KCTD16: variants seen among roughly 807,000 people sequenced by gnomAD.
The protein encoded by KCTD16 is BTB/POZ domain-containing protein KCTD16.
A neutral mutation model predicts 33.2 loss-of-function variants in KCTD16; 13 were observed. The observed-to-expected ratio is 0.39, with a 90% confidence interval of 0.25 to 0.62. The LOEUF (loss-of-function observed/expected upper bound fraction) is 0.62. KCTD16 is among the 20% of genes least tolerant of loss of function. The pLI is 0.50. For missense variants in KCTD16, 441 were observed against 525.1 expected, an observed-to-expected ratio of 0.84 and a Z score of 1.57; for synonymous variants, 197 against 195.3, an observed-to-expected ratio of 1.01 and a Z score of -0.07.
rs867996978 is a variant in KCTD16, at chr5:144,459,863, G to T, written c.833-13797G>T. Among the ~76,000 whole-genome samples, 21 of 96,914 alleles carry T rather than the reference G, an allele frequency of 2.2e-4. No individual in the cohort carries two copies. The South Asian group carries it at 6.4e-3, about 29-fold the overall frequency. 63.6% of individuals were successfully genotyped at this position (96,914 alleles called of 152,430 possible). Reference sequence around the variant, plus strand: ...TTTTTTTTTTTTGAGATGGAGTCTTGCTCTGTTGCCCAGGCTGGAGTGCAG... The same window carrying T: ...TTTTTTTTTTTTGAGATGGAGTCTTTCTCTGTTGCCCAGGCTGGAGTGCAG... On this transcript the variant is annotated intron_variant, in intron 3 of 3. Coordinates refer to ENST00000512467, the MANE Select transcript of KCTD16 (RefSeq NM_020768.4).
chr5:144,330,311 A>G (rs1473595044), intron 3 of KCTD16, among the ~76,000 whole-genome samples: 2 of 148,494 alleles, frequency 1.3e-5, no homozygotes, highest in Admixed American at 6.8e-5. Context: ...TACTGGGGAG[A>G]GTGATACAGG....
At position 144,360,845 on chromosome 5, in the gene KCTD16, A is replaced by T. The variant is rs180915220; in HGVS notation, c.833-112815A>T. ...GTTCCAACTCTTTGCTATTGTGAAC[A>T]TGGCTGCAATAAACACATGTGTACC... On this transcript the variant is annotated intron_variant, in intron 3 of 3. Transcript: ENST00000512467. Among the ~76,000 whole-genome samples, 22 of 152,016 alleles carry T rather than the reference A, an allele frequency of 1.4e-4. No homozygotes were observed. In the East Asian group the frequency reaches 4.2e-3, roughly 29 times the overall value.
At chr5:144,288,830 G>T (rs779986268) in intron 3 of KCTD16, among the ~76,000 whole-genome samples, 2 of 152,030 alleles carry the variant, frequency 1.3e-5, no homozygotes, top group Non-Finnish European at 2.9e-5. Flanking sequence ...AGTTAGCTGT[G>T]GTGCATGCCT....
intron 3 of KCTD16, among the ~76,000 whole-genome samples, chr5:144,421,899 G>GTACAAAAAA: frequency 6.6e-6 from 1 of 152,026 alleles, no homozygotes; most frequent in East Asian, 1.9e-4. Context: ...TATAGAATTT[G>GTACAAAAAA]GGTCATCTTA....
chr5:144,292,374 G>A (rs1425979399), intron 3 of KCTD16, among the ~76,000 whole-genome samples: 1 of 152,198 alleles, frequency 6.6e-6, no homozygotes, highest in East Asian at 1.9e-4. Flanking sequence ...GTTCTGTATA[G>A]GGTGGGGTGA....
chr5:144,254,197 G>A (rs1224303585), intron 3 of KCTD16, among the ~76,000 whole-genome samples: 4 of 151,926 alleles, frequency 2.6e-5, no homozygotes, highest in Admixed American at 2.0e-4. Context: ...TCGTGCAGTG[G>A]CGCGATCTCC....
intron 3 of KCTD16, among the ~76,000 whole-genome samples, chr5:144,338,865 A>G (rs994833885): frequency 2.0e-5 from 3 of 152,166 alleles, no homozygotes; most frequent in Non-Finnish European, 4.4e-5. Context: ...GATTCTCCTC[A>G]CTTTTATGAG....
chr5:144,418,089 A>C (rs1753116715), intron 3 of KCTD16, among the ~76,000 whole-genome samples: 1 of 151,986 alleles, frequency 6.6e-6, no homozygotes, highest in Non-Finnish European at 1.5e-5. Context: ...TGGTGTCTGG[A>C]GTTGTTCGTT....
At chr5:144,277,853 A>G (rs185453045) in intron 3 of KCTD16, among the ~76,000 whole-genome samples, 164 of 152,276 alleles carry the variant, frequency 1.1e-3, no homozygotes, top group African/African-American at 3.8e-3. Context: ...AAAAACTTTT[A>G]TCTAGTTTTA....
At chr5:144,282,859 A>G (rs1429819270) in intron 3 of KCTD16, among the ~76,000 whole-genome samples, 1 of 152,156 alleles carries the variant, frequency 6.6e-6, no homozygotes, top group African/African-American at 2.4e-5. Flanking sequence ...ATAGAGAACT[A>G]TATCCCCTCA....
At chr5:144,198,741 G>C (rs1454523999) in intron 2 of KCTD16, among the ~76,000 whole-genome samples, 1 of 152,102 alleles carries the variant, frequency 6.6e-6, no homozygotes, top group African/African-American at 2.4e-5. Flanking sequence ...TTCCAAGTTA[G>C]AAGCCCTGTT....
At chr5:144,465,042 AG>A (rs1162206378) in intron 3 of KCTD16, among the ~76,000 whole-genome samples, 2 of 152,210 alleles carry the variant, frequency 1.3e-5, no homozygotes, top group Non-Finnish European at 2.9e-5. Context: ...TTGCCCTAGA[AG>A]GTAGAGATTA....
At chr5:144,215,815 T>C (rs530892039) in intron 3 of KCTD16, among the ~76,000 whole-genome samples, 72 of 152,350 alleles carry the variant, frequency 4.7e-4, no homozygotes, top group Non-Finnish European at 8.8e-4. Flanking sequence ...TTTCTAATAG[T>C]CCTTTTGAAA....
At chr5:144,298,751 T>C (rs1040174435) in intron 3 of KCTD16, among the ~76,000 whole-genome samples, 3 of 151,976 alleles carry the variant, frequency 2.0e-5, no homozygotes, top group African/African-American at 7.2e-5. Context: ...CTGAGAAATA[T>C]CTGAAACTTC....
At chr5:144,429,662 G>A (rs1310508543) in intron 3 of KCTD16, among the ~76,000 whole-genome samples, 1 of 152,084 alleles carries the variant, frequency 6.6e-6, no homozygotes, top group Non-Finnish European at 1.5e-5. Flanking sequence ...AGGGCCAAAT[G>A]TTTAGAGTCA....
intron 3 of KCTD16, among the ~76,000 whole-genome samples, chr5:144,225,803 G>A (rs2126808190): frequency 6.6e-6 from 1 of 152,216 alleles, no homozygotes; most frequent in African/African-American, 2.4e-5. Flanking sequence ...TTCTTTTTTA[G>A]TAGCTTGCCT....
chr5:144,291,742 A>G (rs1031764129), intron 3 of KCTD16, among the ~76,000 whole-genome samples: 3 of 152,216 alleles, frequency 2.0e-5, no homozygotes, highest in African/African-American at 7.2e-5. Context: ...TGGGAACTTG[A>G]ATGAGAAAAA....
rs1754345959 is a variant in KCTD16 at position 144,239,599 on chromosome 5, G to C, written c.832+32053G>C. 2.0e-5 allele frequency among the ~76,000 whole-genome samples: 3 copies of C among 151,996 alleles called. No homozygotes were observed. In the South Asian group the frequency reaches 6.2e-4, roughly 32 times the overall value. ...TCCATGGTGTCACCAGATTCTCCTA[G>C]AAACACATAAAATATCATAGTTATA... On this transcript the variant is annotated intron_variant, in intron 3 of 3. Transcript: ENST00000512467.
In KCTD16 at chr5:144,206,724, A is replaced by G; in HGVS notation, c.10A>G (p.Ser4Gly). 6.2e-7 allele frequency: 1 copy of G among 1,612,180 alleles called. No homozygotes were observed. Among genetic ancestry groups the G allele is most frequent in the Non-Finnish European group, 8.5e-7 (1 of 1,178,766 alleles). Residue 4 changes from serine (S) to glycine (G), a missense_variant, in exon 3 of 4, where the codon AGT becomes GGT. Transcript: ENST00000512467. Reference sequence around the variant, plus strand: ...GCAGAAGAAAGGGACAATGGCTCTGAGTGGAAACTGTAGTCGTTATTATCC... The same window carrying G: ...GCAGAAGAAAGGGACAATGGCTCTGGGTGGAAACTGTAGTCGTTATTATCC... MAL[S>G]GNCSRYYPRE...
Sources: allele counts gnomAD v4.1 joint callset (sites outside exome capture counted in the v4.1 genomes callset), GRCh38; gene constraint gnomAD v4.1.1; transcripts MANE v1.5; gene names NCBI Gene and HGNC (gene_info 2026-07-23, HGNC 2026-07-21).